RLN2: variants seen among roughly 807,000 people sequenced by gnomAD.
The protein encoded by RLN2 is prorelaxin H2.
A neutral mutation model predicts 7.3 loss-of-function variants in RLN2; 10 were observed. That is an observed-to-expected ratio of 1.36 (90% CI 0.84 to 2.31). RLN2 has a LOEUF of 2.31. Among genes scored for constraint, RLN2 ranks in the 30% most tolerant of loss-of-function variants. RLN2 has a pLI of 0.00. For synonymous variants in RLN2, 103 were observed against 82.3 expected (o/e 1.25, Z -1.36); for missense variants, 298 against 217.6 (o/e 1.37, Z -2.32).
At chr9:5,338,075 TTAATA>T in the RLN2 span, among the ~76,000 whole-genome samples, 11 of 147,162 alleles carry the variant, frequency 7.5e-5, no homozygotes, top group East Asian at 4.0e-4. Flanking sequence ...ACTTACTTGT[TTAATA>T]TAATTTCATT....
the RLN2 span, among the ~76,000 whole-genome samples, chr9:5,337,635 A>G: frequency 4.6e-5 from 7 of 152,058 alleles, no homozygotes; most frequent in Non-Finnish European, 5.9e-5. Flanking sequence ...CTGAAAACTC[A>G]TATTAATCAC....
rs763488223 is a variant in RLN2 at position 5,304,561 on chromosome 9, A to G, written c.20T>C (p.Phe7Ser). The G allele has an allele frequency of 6.2e-6, 10 of 1,613,474 alleles. No homozygotes were observed. The highest frequency in any genetic ancestry group is 1.3e-5 in the African/African-American group (1 of 74,884). The change falls in exon 1 of 2, where the codon TTC (phenylalanine) becomes TCC (serine). Residue 7 changes from phenylalanine to serine, a missense_variant. By Grantham distance (155) the Phe-to-Ser change is radical (BLOSUM62 -2). Transcript: ENST00000381627. ...TAGTAAACAGACTCCTAGCAGGTGGAAAAAAAACAGGCGAGGCATCCTGGG... is the reference window on the plus strand; with the variant it reads ...TAGTAAACAGACTCCTAGCAGGTGGGAAAAAAACAGGCGAGGCATCCTGGG... Reference protein sequence around the residue: MPRLFFFHLLGVCLLLN... With the variant: MPRLFFSHLLGVCLLLN...
the RLN2 span, among the ~76,000 whole-genome samples, chr9:5,329,033 G>T: frequency 6.6e-6 from 1 of 152,016 alleles, no homozygotes; most frequent in South Asian, 2.1e-4. Context: ...GCCGGGTGCG[G>T]TGGCTCACGC....
the RLN2 span, among the ~76,000 whole-genome samples, chr9:5,319,539 G>A: frequency 6.6e-6 from 1 of 151,918 alleles, no homozygotes; most frequent in Non-Finnish European, 1.5e-5. Context: ...TTAAATTCAT[G>A]CACAAATACA....
In RLN2 at chr9:5,300,453, T is replaced by C. The variant is rs1427729689; in HGVS notation, c.212-9A>G. Reference sequence around the variant, plus strand: ...GAAGGATGGCACAATTTCTGTTAAATTTAAAAAAAAAGGTGTATGTGAGGG... The same window carrying C: ...GAAGGATGGCACAATTTCTGTTAAACTTAAAAAAAAAGGTGTATGTGAGGG... On this transcript the variant is annotated splice_polypyrimidine_tract_variant and intron_variant, in intron 1 of 1. Transcript: ENST00000381627. 2 of 1,572,246 alleles carry C rather than the reference T, an allele frequency of 1.3e-6. No homozygotes were observed. The highest frequency in any genetic ancestry group is 1.2e-5 in the South Asian group (1 of 85,852).
At chr9:5,333,641 A>AGT in the RLN2 span, among the ~76,000 whole-genome samples, 1 of 152,008 alleles carries the variant, frequency 6.6e-6, no homozygotes, top group Non-Finnish European at 1.5e-5. Flanking sequence ...ACAACTGAAA[A>AGT]GGAGGGACCT....
chr9:5,315,419 A>G, the RLN2 span, among the ~76,000 whole-genome samples: 2 of 151,790 alleles, frequency 1.3e-5, no homozygotes, highest in Non-Finnish European at 2.9e-5. Context: ...AAAAAAAAAA[A>G]CGAAAAGTGT....
the RLN2 span, chr9:5,335,301 T>G: frequency 6.2e-7 from 1 of 1,603,994 alleles, no homozygotes; most frequent in Admixed American, 1.7e-5. Flanking sequence ...AGGCAACATT[T>G]CTCAAACAGT....
At chr9:5,335,319 A>T in the RLN2 span, 3 of 1,611,618 alleles carry the variant, frequency 1.9e-6, no homozygotes, top group African/African-American at 4.0e-5. Flanking sequence ...AGTGCCACGT[A>T]GGGTCGTCTC....
At chr9:5,305,414 G>C (rs935525608), upstream of RLN2, among the ~76,000 whole-genome samples, 7 of 151,082 alleles carry the variant, frequency 4.6e-5, no homozygotes, top group African/African-American at 1.7e-4. Flanking sequence ...GAGAGAGAGA[G>C]AGAGAGAGAG....
At chr9:5,307,246 G>T (rs1205256024), upstream of RLN2, among the ~76,000 whole-genome samples, 1 of 138,106 alleles carries the variant, frequency 7.2e-6, no homozygotes, top group African/African-American at 2.8e-5. Flanking sequence ...ATAGGTGATA[G>T]ATAGATGATA....
the RLN2 span, among the ~76,000 whole-genome samples, chr9:5,318,886 G>A: frequency 6.6e-6 from 1 of 151,874 alleles, no homozygotes; most frequent in Non-Finnish European, 1.5e-5. Flanking sequence ...ATAGATTTCC[G>A]TTTTAAAGAT....
chr9:5,300,718 T>G (rs1256249166), intron 1 of RLN2, among the ~76,000 whole-genome samples: 1 of 152,230 alleles, frequency 6.6e-6, no homozygotes, highest in African/African-American at 2.4e-5. Context: ...ATAGTACTTT[T>G]GACTCTCCCT....
chr9:5,309,729 T>C, the RLN2 span, among the ~76,000 whole-genome samples: 26 of 152,054 alleles, frequency 1.7e-4, no homozygotes, highest in Non-Finnish European at 2.9e-4. Context: ...TTGTAGGTCT[T>C]TCCTGCTAGA....
At chr9:5,305,596 A>T (rs1416732274), upstream of RLN2, among the ~76,000 whole-genome samples, 4 of 152,046 alleles carry the variant, frequency 2.6e-5, no homozygotes, top group African/African-American at 9.7e-5. Context: ...ACACTGTTCT[A>T]GGTAATATGG....
chr9:5,313,481 G>A, the RLN2 span, among the ~76,000 whole-genome samples: 1 of 151,938 alleles, frequency 6.6e-6, no homozygotes, highest in African/African-American at 2.4e-5. Context: ...CAAGTCTCTT[G>A]CAGAGAGCAT....
upstream of RLN2, among the ~76,000 whole-genome samples, chr9:5,306,420 G>C (rs1408398381): frequency 2.0e-5 from 3 of 151,822 alleles, no homozygotes; most frequent in Non-Finnish European, 4.4e-5. Context: ...GTTTTATAGA[G>C]TCCTTAAAAC....
At position 5,299,871 on chromosome 9, in the gene RLN2, C is replaced by CA. The variant is rs556766556; in HGVS notation, c.*226dup. The CA allele has an allele frequency of 1.1e-4, 40 of 374,852 alleles. No homozygotes were observed. In the South Asian group the frequency reaches 1.5e-3, roughly 14 times the overall value. 23.2% of individuals were successfully genotyped at this position (374,852 alleles called of 1,614,324 possible). On this transcript the variant is annotated 3_prime_UTR_variant, in exon 2 of 2. Transcript: ENST00000381627. ...ATAAAAAGACAAAAAGGCTTTTCAG[C>CA]AAAAAAATGTGTCATTTAATCACAC...
the RLN2 span, among the ~76,000 whole-genome samples, chr9:5,335,983 C>T: frequency 6.6e-6 from 1 of 152,176 alleles, no homozygotes; most frequent in East Asian, 1.9e-4. Flanking sequence ...AACTCGTTTT[C>T]TTCCATTGCT....
Sources: allele counts gnomAD v4.1 joint callset (sites outside exome capture counted in the v4.1 genomes callset), GRCh38; gene constraint gnomAD v4.1.1; transcripts MANE v1.5; gene names NCBI Gene and HGNC (gene_info 2026-07-23, HGNC 2026-07-21).